The following ASXL1 variants were observed in gnomAD, a reference collection of about 807,000 sequenced individuals.
ASXL1 encodes the protein ASXL transcriptional regulator 1.
Under a neutral mutation model 89.1 loss-of-function variants are expected in ASXL1, and 65 were observed. The ratio of observed to expected loss-of-function variants is 0.73; its 90% CI spans 0.60 to 0.90. The LOEUF (loss-of-function observed/expected upper bound fraction) is 0.90, where lower values mean the gene tolerates loss of function less well. ASXL1 is among the 40% of genes least tolerant of loss of function. ASXL1 has a pLI of 0.00. For synonymous variants in ASXL1, 739 were observed against 746.9 expected (o/e 0.99, Z 0.17); for missense variants, 1,786 against 1,942.9 (o/e 0.92, Z 1.52).
At chr20:32,396,962 G>A (rs1600520075) in intron 4 of ASXL1, among the ~76,000 whole-genome samples, 2 of 147,636 alleles carry the variant, frequency 1.4e-5, no homozygotes, top group East Asian at 3.9e-4. Context: ...ATACACTAAT[G>A]ATAGCTGAAT....
rs767393033 is a variant in ASXL1, at chr20:32,434,827, G to A, written c.2115G>A (p.Glu705=). Residue 705 remains glutamate (E), a synonymous_variant, in exon 13 of 13, where the codon GAG becomes GAA. Transcript: ENST00000375687. Reference sequence around the variant, plus strand: ...TGCCGCCTTATCCTCTAAATGGGGAGCATACCCAGGCCGGAACTGCCATGT... The same window carrying A: ...TGCCGCCTTATCCTCTAAATGGGGAACATACCCAGGCCGGAACTGCCATGT... The part of the protein sequence containing the change: ...QLLPPYPLNG[E]HTQAGTAMSR... 2.0e-5 allele frequency: 33 copies of A among 1,614,146 alleles called. No individual in the cohort carries two copies. The highest frequency in any genetic ancestry group is 2.8e-5 in the Non-Finnish European group (33 of 1,180,030).
At chr20:32,380,435 A>G (rs564956369) in intron 4 of ASXL1, among the ~76,000 whole-genome samples, 30 of 152,332 alleles carry the variant, frequency 2.0e-4, no homozygotes, top group Non-Finnish European at 3.1e-4. Flanking sequence ...TTTGTGTACA[A>G]TTCCACATTT....
chr20:32,375,448 CAAAAAAAA>C (rs71187112), intron 4 of ASXL1, among the ~76,000 whole-genome samples: 4 of 136,804 alleles, frequency 2.9e-5, no homozygotes, highest in Admixed American at 7.3e-5. Flanking sequence ...GACTTGGTCT[CAAAAAAAA>C]AAAAGAAAAA....
Position 32,436,677 on chromosome 20 carries a change from C to G in ASXL1, c.3965C>G (p.Pro1322Arg), listed in dbSNP as rs141930107. 168 of 1,614,002 alleles carry G rather than the reference C, an allele frequency of 1.0e-4. 1 individual carries two copies. Among genetic ancestry groups the G allele is most frequent in the Admixed American group, 3.2e-4 (19 of 60,026 alleles). The change falls in exon 13 of 13, where the codon CCG (proline) becomes CGG (arginine). Residue 1322 changes from proline (P) to arginine (R), a missense_variant. By Grantham distance (103) the Pro-to-Arg change is moderately radical. Coordinates refer to ENST00000375687, the MANE Select transcript of ASXL1 (RefSeq NM_015338.6). ...ATLQRPRPAD[P>R]MPLPAEIPPV... ...CTTCAGCGCCCCAGGCCTGCGGACC[C>G]GATGCCTCTTCCTGCTGAGATCCCT...
Position 32,436,757 on chromosome 20 carries a change from G to A in ASXL1, c.4045G>A (p.Val1349Ile), listed in dbSNP as rs1261675179. ...AAGCACAAACTCCATGTCTGGTGGG[G>A]TACAGACTCCAAGGGAAGACTGGGC... ...GPSTNSMSGG[V>I]QTPREDWAPK... The change falls in exon 13 of 13, where the codon GTA (valine) becomes ATA (isoleucine). Residue 1349 changes from valine to isoleucine, a missense_variant. Physicochemically the swap from Val to Ile is conservative, Grantham distance 29 (BLOSUM62 3). This residue lies in a region of ASXL1 where 1,418 missense variants were observed against 1,427.8 expected (regional missense o/e 0.99). Transcript: ENST00000375687. 1 of 1,614,182 alleles carries A rather than the reference G, an allele frequency of 6.2e-7. No individual in the cohort carries two copies. Among genetic ancestry groups the A allele is most frequent in the Admixed American group, 1.7e-5 (1 of 60,032 alleles).
chr20:32,385,216 A>G (rs1028620978), intron 4 of ASXL1, among the ~76,000 whole-genome samples: 2 of 152,244 alleles, frequency 1.3e-5, no homozygotes, highest in Non-Finnish European at 2.9e-5. Flanking sequence ...AAGTCCTATA[A>G]TAATGAGGAA....
At chr20:32,433,041 A>C in intron 11 of ASXL1, 56 bp downstream of exon 11, 1 of 1,603,712 alleles carries the variant, frequency 6.2e-7, no homozygotes, top group Non-Finnish European at 8.5e-7. Context: ...ATAGAGGTAG[A>C]TGGTCTCAAA....
At chr20:32,383,816 T>G (rs984061050) in intron 4 of ASXL1, among the ~76,000 whole-genome samples, 3 of 152,172 alleles carry the variant, frequency 2.0e-5, no homozygotes, top group African/African-American at 7.2e-5. Context: ...CTGCAGAATA[T>G]AAGTGGATGA....
In ASXL1 at chr20:32,429,403, A is replaced by T; in HGVS notation, c.537A>T (p.Val179=). 6.2e-7 allele frequency: 1 copy of T among 1,614,206 alleles called. No homozygotes were observed. Among genetic ancestry groups the T allele is most frequent in the Non-Finnish European group, 8.5e-7 (1 of 1,180,020 alleles). The change falls in exon 7 of 13, where the codon GTA becomes GTT. Residue 179 remains valine, a synonymous_variant. Transcript: ENST00000375687. This position sits in a 1 kb window ranked among gnomAD's most constrained non-coding sequence, Gnocchi z 4.9. ...LPRVVLTPLK[V]NGAHVESASG... The stretch of plus-strand genomic sequence containing the variant: ...GAGTTGTCCTGACTCCTCTGAAGGT[A>T]AACGGGGCCCACGTGGAATCTGCAT...
Position 32,437,465 on chromosome 20 carries a change from A to G in ASXL1, c.*127A>G. ...GGCAGGAGCACTCTTGCCTTCCCCC[A>G]AAATTTACACTGCTAAAGCCCTCTG... On this transcript the variant is annotated 3_prime_UTR_variant, in exon 13 of 13. Coordinates refer to ENST00000375687, the MANE Select transcript of ASXL1 (RefSeq NM_015338.6). The G allele has an allele frequency of 8.5e-6, 12 of 1,413,604 alleles. No individual in the cohort carries two copies. Among genetic ancestry groups the G allele is most frequent in the Non-Finnish European group, 1.2e-5 (12 of 1,015,166 alleles). The allele number at this position is 1,413,604 out of a possible 1,614,324, so 87.6% of individuals were successfully genotyped here.
intron 4 of ASXL1, among the ~76,000 whole-genome samples, chr20:32,417,935 T>G (rs1481635770): frequency 6.6e-6 from 1 of 151,920 alleles, no homozygotes; most frequent in East Asian, 1.9e-4. Flanking sequence ...TCCCAGCACT[T>G]TGGGAGGCTG....
In ASXL1 at chr20:32,431,455, C is replaced by T. The variant is rs2123235218; in HGVS notation, c.853C>T (p.Leu285Phe). The T allele has an allele frequency of 6.2e-7, 1 of 1,614,206 alleles. No homozygotes were observed. The highest frequency in any genetic ancestry group is 1.1e-5 in the South Asian group (1 of 91,080). ...ALPSHFQQQLLFLLPEVDRQV... is the reference protein window; with the variant it reads ...ALPSHFQQQLFFLLPEVDRQV... ...ACCATCACACTTCCAGCAGCAGCTC[C>T]TCTTCCTCCTGCCTGAAGTAGACAG... Residue 285 changes from leucine to phenylalanine, a missense_variant, in exon 9 of 13, where the codon CTC (leucine) becomes TTC (phenylalanine). This residue lies in a region of ASXL1 where 332 missense variants were observed against 449.7 expected (regional missense o/e 0.74). Transcript: ENST00000375687.
chr20:32,437,233 G>T lies in ASXL1; in HGVS notation c.4521G>T (p.Ala1507=), dbSNP rs760605807. The change falls in exon 13 of 13, where the codon GCG becomes GCT. Residue 1507 remains alanine, a synonymous_variant. Coordinates refer to ENST00000375687, the MANE Select transcript of ASXL1 (RefSeq NM_015338.6). The stretch of plus-strand genomic sequence containing the variant: ...TGGAAAGCATCTCGCTCCAGTGTGC[G>T]TGCAGCCTGAAAGCCATGATCATGT... ...STVESISLQC[A]CSLKAMIMCQ... The T allele has an allele frequency of 3.5e-5, 56 of 1,613,816 alleles. No homozygotes were observed. The highest frequency in any genetic ancestry group is 4.6e-5 in the Non-Finnish European group (54 of 1,179,836).
chr20:32,368,271 T>G (rs2048239043), intron 3 of ASXL1, among the ~76,000 whole-genome samples: 1 of 152,198 alleles, frequency 6.6e-6, no homozygotes, highest in Non-Finnish European at 1.5e-5. Context: ...ATTTAAAGAT[T>G]CAGTAAGTAG....
chr20:32,433,949 G>C (rs767188576), intron 12 of ASXL1, 32 bp downstream of exon 12: 2 of 1,610,480 alleles, frequency 1.2e-6, no homozygotes, highest in Non-Finnish European at 1.7e-6. Flanking sequence ...GGCTGCCCTG[G>C]AGCCAGGTTT....
Position 32,433,641 on chromosome 20 carries a change from C to T in ASXL1, c.1443C>T (p.Phe481=), listed in dbSNP as rs2123263181. 1.2e-6 allele frequency: 2 copies of T among 1,612,440 alleles called. No individual in the cohort carries two copies. The highest frequency in any genetic ancestry group is 1.7e-6 in the Non-Finnish European group (2 of 1,178,584). Residue 481 remains phenylalanine (F), a synonymous_variant, in exon 12 of 13, where the codon TTC becomes TTT. Transcript: ENST00000375687. ...SAAPDLEGPE[F]PVESVASRIQ... is the part of the protein sequence containing the mutation. ...CACCCGACCTGGAGGGTCCCGAATT[C>T]CCAGTTGAGTCTGTGGCTTCTCGGA...
intron 4 of ASXL1, among the ~76,000 whole-genome samples, chr20:32,373,929 C>T (rs1192264241): frequency 6.6e-6 from 1 of 150,764 alleles, no homozygotes; most frequent in Non-Finnish European, 1.5e-5. Context: ...TTCATCATTG[C>T]TTCTTTCATT....
intron 4 of ASXL1, among the ~76,000 whole-genome samples, chr20:32,418,202 T>C (rs6087898): frequency 6.6e-6 from 1 of 151,288 alleles, no homozygotes; most frequent in Non-Finnish European, 1.5e-5. Context: ...AATAAATAAA[T>C]ACAATAAATA....
chr20:32,392,917 G>A (rs1046784940), intron 4 of ASXL1, among the ~76,000 whole-genome samples: 2 of 152,032 alleles, frequency 1.3e-5, no homozygotes, highest in African/African-American at 4.8e-5. Context: ...AAGGTTCCAC[G>A]GGCACTTGAA....
Sources: gnomAD v4.1 joint callset for allele counts (sites outside exome capture counted in the v4.1 genomes callset) on GRCh38, gnomAD v4.1.1 for gene constraint, gnomAD v4.1.1 regional missense constraint, Gnocchi (gnomAD v3.1) non-coding constraint, MANE v1.5 for transcripts, NCBI Gene and HGNC (gene_info 2026-07-23, HGNC 2026-07-21) for gene names.